Variants in TMEM132D observed in about 807,000 individuals in gnomAD.
TMEM132D encodes transmembrane protein 132D, also known as mature OL transmembrane protein.
In TMEM132D, 21 loss-of-function variants were observed where a neutral mutation model predicts 62.3. The observed-to-expected ratio is 0.34, with a 90% CI of 0.24 to 0.49. The LOEUF (loss-of-function observed/expected upper bound fraction) is 0.49. Among genes scored for constraint, TMEM132D ranks in the 20% least tolerant of loss-of-function variants. The pLI, the probability that TMEM132D is intolerant of heterozygous loss-of-function variation, is 0.99. For missense variants in TMEM132D, 1,346 were observed against 1,402.8 expected (o/e 0.96, Z 0.65); for synonymous variants, 621 against 575.6 (o/e 1.08, Z -1.13).
At chr12:129,431,712 A>ATT (rs1269058346) in intron 3 of TMEM132D, among the ~76,000 whole-genome samples, 1 of 151,088 alleles carries the variant, frequency 6.6e-6, no homozygotes, top group Non-Finnish European at 1.5e-5. Flanking sequence ...CCTGCTGGAA[A>ATT]CCTCCATGGG....
intron 2 of TMEM132D, among the ~76,000 whole-genome samples, chr12:129,664,506 GCTCTGC>G (rs1229696038): frequency 7.1e-6 from 1 of 140,808 alleles, no homozygotes; most frequent in African/African-American, 2.6e-5. Context: ...CTCACTGCAC[GCTCTGC>G]CTCCTGGGTT....
chr12:129,391,594 A>G (rs991104102), intron 3 of TMEM132D, among the ~76,000 whole-genome samples: 1 of 152,178 alleles, frequency 6.6e-6, no homozygotes, highest in African/African-American at 2.4e-5. Context: ...CTAAGATCTC[A>G]TCATTTGTTA....
chr12:129,383,651 C>G (rs1364138251), intron 3 of TMEM132D, among the ~76,000 whole-genome samples: 1 of 152,136 alleles, frequency 6.6e-6, no homozygotes, highest in Non-Finnish European at 1.5e-5. Context: ...ATTGGCCAGG[C>G]TGGTCTCGAA....
At chr12:129,232,815 G>A (rs1879677492) in intron 4 of TMEM132D, among the ~76,000 whole-genome samples, 2 of 151,332 alleles carry the variant, frequency 1.3e-5, no homozygotes, top group Admixed American at 6.6e-5. Flanking sequence ...ATGATGGCAG[G>A]AGAGAGAGAG....
chr12:129,303,800 G>T, intron 4 of TMEM132D, among the ~76,000 whole-genome samples: 1 of 147,426 alleles, frequency 6.8e-6, no homozygotes, highest in Admixed American at 6.7e-5. Context: ...TGATTTGGAA[G>T]CAGAAATCCT....
At chr12:129,603,046 A>G (rs1878524276) in intron 2 of TMEM132D, among the ~76,000 whole-genome samples, 1 of 152,152 alleles carries the variant, frequency 6.6e-6, no homozygotes, top group African/African-American at 2.4e-5. Context: ...CCCTCGCACA[A>G]CACATGGGGA....
At chr12:129,528,890 G>A (rs7311457) in intron 3 of TMEM132D, among the ~76,000 whole-genome samples, 101,697 of 152,114 alleles carry the variant, frequency 0.67, 34,493 homozygotes, top group African/African-American at 0.78. Flanking sequence ...CTTCCTAGCT[G>A]CTGTGTAAAA....
chr12:129,504,431 G>T (rs1055681497), intron 3 of TMEM132D, among the ~76,000 whole-genome samples: 1 of 152,064 alleles, frequency 6.6e-6, no homozygotes, highest in Non-Finnish European at 1.5e-5. Context: ...GCTTGTTATT[G>T]GTCTGTGCAG....
intron 1 of TMEM132D, among the ~76,000 whole-genome samples, chr12:129,816,836 C>T (rs970636491): frequency 1.1e-4 from 16 of 152,072 alleles, no homozygotes; most frequent in South Asian, 8.3e-4. Context: ...TGTTCTCATG[C>T]GTGAATGAAT....
intron 2 of TMEM132D, among the ~76,000 whole-genome samples, chr12:129,600,220 G>A (rs1169999729): frequency 2.6e-5 from 4 of 152,200 alleles, no homozygotes; most frequent in Non-Finnish European, 4.4e-5. Context: ...TCCATCTCGA[G>A]AAACCACTTT....
intron 3 of TMEM132D, among the ~76,000 whole-genome samples, chr12:129,350,207 C>T (rs972729353): frequency 6.6e-6 from 1 of 152,204 alleles, no homozygotes; most frequent in Admixed American, 6.5e-5. Flanking sequence ...GCAAAACACA[C>T]TCCTTGAATA....
intron 4 of TMEM132D, among the ~76,000 whole-genome samples, chr12:129,235,672 C>G (rs927318084): frequency 6.6e-6 from 1 of 152,072 alleles, no homozygotes; most frequent in African/African-American, 2.4e-5. Flanking sequence ...TCAACCTATA[C>G]GTTTCTGTGC....
intron 4 of TMEM132D, among the ~76,000 whole-genome samples, chr12:129,278,577 T>C (rs1881059570): frequency 6.6e-6 from 1 of 152,194 alleles, no homozygotes; most frequent in African/African-American, 2.4e-5. Flanking sequence ...AGAAGCCATT[T>C]GACTGTGTTT....
At position 129,617,319 on chromosome 12, in the gene TMEM132D, A is replaced by G. The variant is rs573765296; in HGVS notation, c.968+82491T>C. Among the ~76,000 whole-genome samples the G allele has an allele frequency of 3.9e-5, 6 of 152,322 alleles. No homozygotes were observed. The South Asian group carries it at 1.2e-3, about 32-fold the overall frequency. ...GCCACCTGACTTGGTTGAGTGACAG[A>G]CATTCCCAGGAAGGTCTTCTCCCAC... On this transcript the variant is annotated intron_variant, in intron 2 of 8. Coordinates refer to ENST00000422113, the MANE Select transcript of TMEM132D (RefSeq NM_133448.3).
chr12:129,178,614 C>A (rs1435211409), intron 5 of TMEM132D, among the ~76,000 whole-genome samples: 1 of 151,978 alleles, frequency 6.6e-6, no homozygotes, highest in African/African-American at 2.4e-5. Context: ...AAACATAGGC[C>A]TTCTTAGGGT....
chr12:129,693,685 T>C (rs1184249768), intron 2 of TMEM132D, among the ~76,000 whole-genome samples: 6 of 152,126 alleles, frequency 3.9e-5, no homozygotes, highest in South Asian at 2.1e-4. Context: ...GTCAAGCTCA[T>C]TGAGCAGAGC....
intron 5 of TMEM132D, among the ~76,000 whole-genome samples, chr12:129,150,832 C>G (rs748122088): frequency 2.6e-5 from 4 of 152,256 alleles, no homozygotes; most frequent in African/African-American, 9.6e-5. Flanking sequence ...GCTGTGGCCC[C>G]GGACTAAAGT....
intron 4 of TMEM132D, among the ~76,000 whole-genome samples, chr12:129,282,363 C>A (rs1275004154): frequency 6.6e-6 from 1 of 152,120 alleles, no homozygotes; most frequent in Non-Finnish European, 1.5e-5. Context: ...AGCAGCTGAG[C>A]ACATAAAAAA....
chr12:129,822,393 C>T (rs1037585071), intron 1 of TMEM132D, among the ~76,000 whole-genome samples: 5 of 152,186 alleles, frequency 3.3e-5, no homozygotes, highest in African/African-American at 1.2e-4. Context: ...CAGGGTAACA[C>T]AGGTGGAAGT....
Sources: gnomAD v4.1 joint callset for allele counts (sites outside exome capture counted in the v4.1 genomes callset) on GRCh38, gnomAD v4.1.1 for gene constraint, MANE v1.5 for transcripts, NCBI Gene and HGNC (gene_info 2026-07-23, HGNC 2026-07-21) for gene names.